PTP4A3: variants seen among roughly 807,000 people sequenced by gnomAD.
PTP4A3 encodes protein tyrosine phosphatase 4A3.
In PTP4A3, 9 loss-of-function variants were observed where a neutral mutation model predicts 15.2. The ratio of observed to expected loss-of-function variants is 0.59; its 90% CI spans 0.36 to 1.03. The LOEUF is 1.03. PTP4A3 is among the 50% of genes least tolerant of loss of function. PTP4A3 has a pLI of 0.02. For synonymous variants in PTP4A3, 95 were observed against 102.0 expected (o/e 0.93, Z 0.41); for missense variants, 234 against 252.1 (o/e 0.93, Z 0.49).
intron 1 of PTP4A3, among the ~76,000 whole-genome samples, chr8:141,405,357 G>A (rs968114290): frequency 2.6e-5 from 4 of 152,286 alleles, no homozygotes; most frequent in South Asian, 4.1e-4. Context: ...CCCAGCAGAC[G>A]CTCCTTCCTC....
At chr8:141,430,116 T>C (rs1263609570) in intron 5 of PTP4A3, among the ~76,000 whole-genome samples, 27 of 118,894 alleles carry the variant, frequency 2.3e-4, no homozygotes, top group South Asian at 9.0e-4. Flanking sequence ...AGGGTGAGCG[T>C]ACAGCCCAGG....
intron 1 of PTP4A3, among the ~76,000 whole-genome samples, chr8:141,400,609 A>T (rs1436402973): frequency 6.6e-6 from 1 of 152,172 alleles, no homozygotes; most frequent in Non-Finnish European, 1.5e-5. Flanking sequence ...GACAGCCAGG[A>T]TGTGCGTCTC....
chr8:141,401,836 C>T (rs555253283), intron 1 of PTP4A3, among the ~76,000 whole-genome samples: 4 of 152,118 alleles, frequency 2.6e-5, no homozygotes, highest in South Asian at 2.1e-4. Context: ...AACCATTTAC[C>T]GAGCGCATCC....
chr8:141,408,122 C>T (rs1395049528), intron 1 of PTP4A3, among the ~76,000 whole-genome samples: 1 of 152,008 alleles, frequency 6.6e-6, no homozygotes, highest in Non-Finnish European at 1.5e-5. Flanking sequence ...CAGAGGGCCA[C>T]GTGGTGTGTG....
At chr8:141,407,489 A>G (rs1029278416) in intron 1 of PTP4A3, among the ~76,000 whole-genome samples, 1 of 152,200 alleles carries the variant, frequency 6.6e-6, no homozygotes, top group Non-Finnish European at 1.5e-5. Context: ...AGGCCCACAG[A>G]GTAGAACAAG....
chr8:141,427,878 G>T (rs1187715076), intron 5 of PTP4A3, 54 bp downstream of exon 5: 2 of 1,485,790 alleles, frequency 1.3e-6, no homozygotes, highest in Non-Finnish European at 1.8e-6. Context: ...GGGGAGATCC[G>T]GCTGCCCACG....
chr8:141,411,702 C>T (rs757754342), intron 1 of PTP4A3, among the ~76,000 whole-genome samples: 8 of 152,178 alleles, frequency 5.3e-5, no homozygotes, highest in African/African-American at 1.4e-4. Context: ...ACTAGAGCCT[C>T]GGCCAGTGGC....
Position 141,427,044 on chromosome 8 carries a change from G to A in PTP4A3, c.304G>A (p.Val102Met). The A allele has an allele frequency of 6.2e-7, 1 of 1,600,186 alleles. No individual in the cohort carries two copies. The highest frequency in any genetic ancestry group is 1.1e-5 in the South Asian group (1 of 91,064). Residue 102 changes from valine (V) to methionine (M), a missense_variant, in exon 4 of 6, where the codon GTG (valine) becomes ATG (methionine). Val to Met is a conservative substitution (Grantham distance 21). Coordinates refer to ENST00000521578, the MANE Select transcript of PTP4A3 (RefSeq NM_032611.3). ...FCEAPGSCVA[V>M]HCVAGLGRAP... ...TGAGGCCCCCGGCAGCTGCGTGGCTGTGCACTGCGTGGCGGGCCTGGGCCG... is the reference window on the plus strand; with the variant it reads ...TGAGGCCCCCGGCAGCTGCGTGGCTATGCACTGCGTGGCGGGCCTGGGCCG...
At chr8:141,410,212 G>A (rs1395595657) in intron 1 of PTP4A3, among the ~76,000 whole-genome samples, 1 of 152,272 alleles carries the variant, frequency 6.6e-6, no homozygotes, top group Non-Finnish European at 1.5e-5. Context: ...ACACAGACGG[G>A]CAGGAGTCGG....
chr8:141,396,972 C>T (rs1262861951), intron 1 of PTP4A3, among the ~76,000 whole-genome samples: 1 of 152,096 alleles, frequency 6.6e-6, no homozygotes, highest in Admixed American at 6.5e-5. Context: ...GGGAGGGTAG[C>T]CGGGCTGGCT....
At chr8:141,392,605 T>G (rs1832317631) in intron 1 of PTP4A3, 3 of 152,306 alleles carry the variant, frequency 2.0e-5, no homozygotes, top group Admixed American at 2.0e-4. Flanking sequence ...CCTCAGACCA[T>G]ACCAGTGTTG....
chr8:141,421,942 T>G lies in PTP4A3; in HGVS notation c.-299T>G, dbSNP rs1028007967. On this transcript the variant is annotated 5_prime_UTR_variant, in exon 2 of 6. Coordinates refer to ENST00000521578, the MANE Select transcript of PTP4A3 (RefSeq NM_032611.3). Reference sequence around the variant, plus strand: ...GCTCTGAGAGACGGGAGTTTGGAGTTGCCCGCTTTACTTTGGTTGGGTTGG... The same window carrying G: ...GCTCTGAGAGACGGGAGTTTGGAGTGGCCCGCTTTACTTTGGTTGGGTTGG... The G allele has an allele frequency of 4.0e-5, 16 of 404,972 alleles. No individual in the cohort carries two copies. Among genetic ancestry groups the G allele is most frequent in the Non-Finnish European group, 7.0e-5 (16 of 227,072 alleles). The allele number at this position is 404,972 out of a possible 1,614,324, so 25.1% of individuals were successfully genotyped here.
intron 5 of PTP4A3, among the ~76,000 whole-genome samples, chr8:141,429,692 G>A (rs1427760516): frequency 1.4e-5 from 1 of 73,138 alleles, no homozygotes. Context: ...ACCAGGTGGC[G>A]GGGACAGGGT....
chr8:141,424,744 C>T (rs1202076604), intron 2 of PTP4A3, among the ~76,000 whole-genome samples: 1 of 152,022 alleles, frequency 6.6e-6, no homozygotes. Context: ...ACAGGCTCTT[C>T]GACAGCCAGA....
intron 1 of PTP4A3, among the ~76,000 whole-genome samples, chr8:141,414,442 G>A (rs879678407): frequency 1.3e-5 from 2 of 152,044 alleles, no homozygotes; most frequent in Non-Finnish European, 2.9e-5. Context: ...TCACTGGGAG[G>A]CTGGAAGAGG....
chr8:141,430,497 C>G (rs1452559348), intron 5 of PTP4A3, among the ~76,000 whole-genome samples: 1 of 152,194 alleles, frequency 6.6e-6, no homozygotes, highest in African/African-American at 2.4e-5. Context: ...AGCATGCAGC[C>G]CAGGTCCCTG....
intron 1 of PTP4A3, among the ~76,000 whole-genome samples, chr8:141,415,446 G>A (rs1399523811): frequency 1.3e-5 from 2 of 151,058 alleles, no homozygotes; most frequent in Non-Finnish European, 3.0e-5. Flanking sequence ...AGCGCTGGAG[G>A]GACCCTCCTG....
intron 1 of PTP4A3, among the ~76,000 whole-genome samples, chr8:141,397,575 G>A (rs1832483364): frequency 6.6e-6 from 1 of 152,236 alleles, no homozygotes; most frequent in African/African-American, 2.4e-5. Context: ...AGGAGGTGAA[G>A]GTGGGGTGCA....
At chr8:141,420,622 G>C (rs1355430187) in intron 1 of PTP4A3, among the ~76,000 whole-genome samples, 1 of 152,234 alleles carries the variant, frequency 6.6e-6, no homozygotes, top group Non-Finnish European at 1.5e-5. Flanking sequence ...TGTGCCTGAT[G>C]GCTGGCCCAT....
Sources: allele counts gnomAD v4.1 joint callset (sites outside exome capture counted in the v4.1 genomes callset), GRCh38; gene constraint gnomAD v4.1.1; transcripts MANE v1.5; gene names NCBI Gene and HGNC (gene_info 2026-07-23, HGNC 2026-07-21).